Variants in EXTL1 observed in about 807,000 individuals in gnomAD.
EXTL1 encodes the protein exostosin like glycosyltransferase 1.
EXTL1 carries 43 observed loss-of-function variants against 64.6 expected under a neutral mutation model. The observed-to-expected ratio is 0.67, with a 90% confidence interval of 0.52 to 0.86. The LOEUF (loss-of-function observed/expected upper bound fraction) is 0.86. Among genes scored for constraint, EXTL1 ranks in the 40% least tolerant of loss-of-function variants. EXTL1 has a pLI of 0.00. For missense variants in EXTL1, 766 were observed against 879.0 expected (o/e 0.87, Z 1.62); for synonymous variants, 352 against 360.5 (o/e 0.98, Z 0.27).
In EXTL1 at chr1:26,029,695, G is replaced by A. The variant is rs755049028; in HGVS notation, c.969G>A (p.Arg323=). ...WTKAAIVADE[R]LPLQVLAALQ... The stretch of plus-strand genomic sequence containing the variant: ...AGGCAGCCATCGTAGCTGATGAGAG[G>A]CTCCCACTTCAGGTAGCTCAGAGCC... Residue 323 remains arginine (R), a synonymous_variant, in exon 3 of 11, where the codon AGG becomes AGA. Transcript: ENST00000374280. 1 of 1,609,592 alleles carries A rather than the reference G, an allele frequency of 6.2e-7. No individual in the cohort carries two copies. The highest frequency in any genetic ancestry group is 8.5e-7 in the Non-Finnish European group (1 of 1,177,342).
In EXTL1 at chr1:26,033,847, T is replaced by C; in HGVS notation, c.1670T>C (p.Phe557Ser). Residue 557 changes from phenylalanine to serine, a missense_variant, in exon 9 of 11, where the codon TTC becomes TCC. Coordinates refer to ENST00000374280, the MANE Select transcript of EXTL1 (RefSeq NM_004455.3). The surrounding 1 kb of genome is among the most constrained non-coding windows in gnomAD (Gnocchi z 5.1). ...TCCATGGTTCTCACCACAGCCGCCT[T>C]CTACCATAGGTACAGACCCCTACCC... ...EFSMVLTTAA[F>S]YHRYYHTLFT... is the part of the protein sequence containing the mutation. 6.2e-7 allele frequency: 1 copy of C among 1,613,732 alleles called. No individual in the cohort carries two copies.
chr1:26,033,625 G>T lies in EXTL1; in HGVS notation c.1519-71G>T. Reference sequence around the variant, plus strand: ...CGGGCCCCTCAGCCAGGCTGCCCCTGCCTCCATTTCCCTGGATGTTCTAGG... The same window carrying T: ...CGGGCCCCTCAGCCAGGCTGCCCCTTCCTCCATTTCCCTGGATGTTCTAGG... On this transcript the variant is annotated intron_variant, in intron 8 of 10. Transcript: ENST00000374280. This position sits in a 1 kb window ranked among gnomAD's most constrained non-coding sequence, Gnocchi z 5.1. 1 of 1,529,560 alleles carries T rather than the reference G, an allele frequency of 6.5e-7. No homozygotes were observed. The highest frequency in any genetic ancestry group is 8.9e-7 in the Non-Finnish European group (1 of 1,118,408). The allele number at this position is 1,529,560 out of a possible 1,614,324, so 94.7% of individuals were successfully genotyped here.
At position 26,023,036 on chromosome 1, in the gene EXTL1, G is replaced by A; in HGVS notation, c.390G>A (p.Gly130=). 1 of 1,614,018 alleles carries A rather than the reference G, an allele frequency of 6.2e-7. No homozygotes were observed. Among genetic ancestry groups the A allele is most frequent in the Non-Finnish European group, 8.5e-7 (1 of 1,179,974 alleles). ...GSRFYTFSPA[G]ACLLLLLSLD... ...GCTTCTACACATTCAGCCCTGCTGGGGCCTGCCTCCTCCTCCTCCTCAGCC... is the reference window on the plus strand; with the variant it reads ...GCTTCTACACATTCAGCCCTGCTGGAGCCTGCCTCCTCCTCCTCCTCAGCC... Residue 130 remains glycine, a synonymous_variant, in exon 1 of 11, where the codon GGG becomes GGA. Transcript: ENST00000374280.
At chr1:26,024,077 G>A (rs2050188564) in intron 1 of EXTL1, among the ~76,000 whole-genome samples, 1 of 152,234 alleles carries the variant, frequency 6.6e-6, no homozygotes, top group Admixed American at 6.5e-5. Context: ...ACGCAGGTCA[G>A]ATCTAAAGAA....
rs2736838 is a variant in EXTL1, at chr1:26,035,128, G to A, written c.1849-37G>A. ...CGGGCGTGGGGAGTTCGGAAGGGCA[G>A]AGAAGCCCGTTAATGCATTGCTTCT... On this transcript the variant is annotated intron_variant, in intron 10 of 10. Transcript: ENST00000374280. The surrounding 1 kb of genome is among the most constrained non-coding windows in gnomAD (Gnocchi z 5.3). The A allele has an allele frequency of 6.3e-7, 1 of 1,589,670 alleles. No individual in the cohort carries two copies. Among genetic ancestry groups the A allele is most frequent in the South Asian group, 1.1e-5 (1 of 89,442 alleles).
chr1:26,031,106 T>C, intron 4 of EXTL1, 26 bp from the exon 5 acceptor site: 1 of 1,613,942 alleles, frequency 6.2e-7, no homozygotes, highest in South Asian at 1.1e-5. Flanking sequence ...GGCCACTCGC[T>C]CTGCTCAGCT....
Position 26,035,284 on chromosome 1 carries a change from G to T in EXTL1, c.1968G>T (p.Pro656=). ...PLLSSRLRLD[P]VLFKDPVSVQ... ...TGTCCTCTCGTCTGCGTCTGGACCC[G>T]GTGCTGTTTAAGGACCCGGTGTCCG... is the stretch of plus-strand genomic sequence containing the variant. Residue 656 remains proline, a synonymous_variant, in exon 11 of 11, where the codon CCG becomes CCT. Transcript: ENST00000374280. This position sits in a 1 kb window ranked among gnomAD's most constrained non-coding sequence, Gnocchi z 5.3. 1 of 1,613,564 alleles carries T rather than the reference G, an allele frequency of 6.2e-7. No individual in the cohort carries two copies. The highest frequency in any genetic ancestry group is 8.5e-7 in the Non-Finnish European group (1 of 1,179,916).
chr1:26,034,985 G>A lies in EXTL1; in HGVS notation c.1829G>A (p.Arg610His), dbSNP rs563705583. 1.9e-6 allele frequency: 3 copies of A among 1,614,184 alleles called. No individual in the cohort carries two copies. Among genetic ancestry groups the A allele is most frequent in the South Asian group, 1.1e-5 (1 of 91,090 alleles). The change falls in exon 10 of 11, where the codon CGC becomes CAC. Residue 610 changes from arginine to histidine, a missense_variant. By Grantham distance (29) the Arg-to-His change is conservative. This residue lies in a region of EXTL1 where 194 missense variants were observed against 214.5 expected (regional missense o/e 0.90). Coordinates refer to ENST00000374280, the MANE Select transcript of EXTL1 (RefSeq NM_004455.3). The surrounding 1 kb of genome is among the most constrained non-coding windows in gnomAD (Gnocchi z 4.6). Reference sequence around the variant, plus strand: ...ATCAAGGTGCCCTATGGCAAGCAGCGCCAGGAGGCTGCTCCACTGGTGAGG... The same window carrying A: ...ATCAAGGTGCCCTATGGCAAGCAGCACCAGGAGGCTGCTCCACTGGTGAGG... ...PPIKVPYGKQ[R>H]QEAAPLAPGG...
Position 26,034,725 on chromosome 1 carries a change from T to G in EXTL1, c.1680-111T>G. On this transcript the variant is annotated intron_variant, in intron 9 of 10. Transcript: ENST00000374280. This position sits in a 1 kb window ranked among gnomAD's most constrained non-coding sequence, Gnocchi z 4.6. ...GGGAGCTCTCTGAGGCAGCCAGGGCTCAGAGGCTTGGGGATGGGGGTCAAA... is the reference window on the plus strand; with the variant it reads ...GGGAGCTCTCTGAGGCAGCCAGGGCGCAGAGGCTTGGGGATGGGGGTCAAA... 1 of 1,114,596 alleles carries G rather than the reference T, an allele frequency of 9.0e-7. No homozygotes were observed. The highest frequency in any genetic ancestry group is 2.4e-5 in the East Asian group (1 of 42,080). The allele number at this position is 1,114,596 out of a possible 1,614,324, so 69.0% of individuals were successfully genotyped here. A position where few individuals can be genotyped will look rare whatever the true frequency, so the allele number is the denominator to read the frequency against.
In EXTL1 at chr1:26,033,711, C is replaced by T. The variant is rs1160181497; in HGVS notation, c.1534C>T (p.Leu512=). 6.2e-7 allele frequency: 1 copy of T among 1,614,062 alleles called. No homozygotes were observed. Among genetic ancestry groups the T allele is most frequent in the South Asian group, 1.1e-5 (1 of 91,072 alleles). The change falls in exon 9 of 11, where the codon CTG becomes TTG. Residue 512 remains leucine, a synonymous_variant. Coordinates refer to ENST00000374280, the MANE Select transcript of EXTL1 (RefSeq NM_004455.3). The surrounding 1 kb of genome is among the most constrained non-coding windows in gnomAD (Gnocchi z 5.1). ...CCCTCCCCAGGTGGACTTTGCCTTT[C>T]TGGTGTGGCAGAGCTTCCCAGAGCG... ...LSTSEVDFAF[L]VWQSFPERMV... is the part of the protein sequence containing the mutation.
chr1:26,026,990 GC>G (rs1188733016), intron 1 of EXTL1, among the ~76,000 whole-genome samples: 119 of 152,288 alleles, frequency 7.8e-4, no homozygotes, highest in African/African-American at 2.8e-3. Flanking sequence ...CTGGCTGCAC[GC>G]TCAACCAGCT....
chr1:26,026,181 G>A (rs1230848565), intron 1 of EXTL1, among the ~76,000 whole-genome samples: 1 of 149,360 alleles, frequency 6.7e-6, no homozygotes, highest in Non-Finnish European at 1.5e-5. Flanking sequence ...CAAGGCTAGA[G>A]TGAGCTGGGA....
At position 26,033,875 on chromosome 1, in the gene EXTL1, C is replaced by G; in HGVS notation, c.1679+19C>G. On this transcript the variant is annotated intron_variant, in intron 9 of 10. Transcript: ENST00000374280. The surrounding 1 kb of genome is among the most constrained non-coding windows in gnomAD (Gnocchi z 5.1). ...ACCATAGGTACAGACCCCTACCCTGCACAGGGATCAGAGTATCAGAGGACC... is the reference window on the plus strand; with the variant it reads ...ACCATAGGTACAGACCCCTACCCTGGACAGGGATCAGAGTATCAGAGGACC... The G allele has an allele frequency of 6.2e-7, 1 of 1,601,484 alleles. No individual in the cohort carries two copies. Among genetic ancestry groups the G allele is most frequent in the South Asian group, 1.1e-5 (1 of 89,794 alleles).
At chr1:26,026,242 CAA>C (rs60657422) in intron 1 of EXTL1, among the ~76,000 whole-genome samples, 11 of 84,422 alleles carry the variant, frequency 1.3e-4, no homozygotes, top group Non-Finnish European at 1.9e-4. Flanking sequence ...GACTCTGTTT[CAA>C]AAAAAAAAAA....
In EXTL1 at chr1:26,022,595, G is replaced by A; in HGVS notation, c.-52G>A. 6.7e-7 allele frequency: 1 copy of A among 1,490,142 alleles called. No homozygotes were observed. The highest frequency in any genetic ancestry group is 9.1e-7 in the Non-Finnish European group (1 of 1,103,380). The allele number at this position is 1,490,142 out of a possible 1,614,324, so 92.3% of individuals were successfully genotyped here. On this transcript the variant is annotated 5_prime_UTR_variant, in exon 1 of 11. Transcript: ENST00000374280. Reference sequence around the variant, plus strand: ...TCCCGCCCCAGGCCCTGCTCTTCCTGCTTGCTGGCAGAGGCCTCCCAGCTT... The same window carrying A: ...TCCCGCCCCAGGCCCTGCTCTTCCTACTTGCTGGCAGAGGCCTCCCAGCTT...
chr1:26,032,769 C>T (rs997018359), intron 7 of EXTL1, among the ~76,000 whole-genome samples: 10 of 152,230 alleles, frequency 6.6e-5, no homozygotes, highest in African/African-American at 1.9e-4. Context: ...TGAGAAAATA[C>T]GGACCAAGGG....
chr1:26,027,874 C>T (rs2050236227), intron 1 of EXTL1, among the ~76,000 whole-genome samples: 1 of 152,060 alleles, frequency 6.6e-6, no homozygotes, highest in Admixed American at 6.5e-5. Flanking sequence ...GGAGGACTTC[C>T]TCAGGCTGAC....
Position 26,035,561 on chromosome 1 carries a change from C to T in EXTL1, c.*214C>T, listed in dbSNP as rs979947078. The T allele has an allele frequency of 7.4e-5, 34 of 458,030 alleles. 1 individual carries two copies. In the South Asian group the frequency reaches 1.7e-3, roughly 23 times the overall value. The allele number at this position is 458,030 out of a possible 1,614,324, so 28.4% of individuals were successfully genotyped here. ...CCGCGGAGCCTCTGCGGAGGCTGAG[C>T]CCCGCGACCGGAGCGCCGCTCTCCG... On this transcript the variant is annotated 3_prime_UTR_variant, in exon 11 of 11. Transcript: ENST00000374280. The surrounding 1 kb of genome is among the most constrained non-coding windows in gnomAD (Gnocchi z 5.3).
At position 26,023,397 on chromosome 1, in the gene EXTL1, C is replaced by A. The variant is rs116675357; in HGVS notation, c.751C>A (p.Arg251Ser). Residue 251 changes from arginine to serine, a missense_variant, in exon 1 of 11, where the codon CGC (arginine) becomes AGC (serine). Arg to Ser is a moderately radical substitution (Grantham distance 110). Around this residue, in one of 3 missense-constraint regions of EXTL1, gnomAD observed 571 missense variants for 647.6 expected, o/e 0.88. Coordinates refer to ENST00000374280, the MANE Select transcript of EXTL1 (RefSeq NM_004455.3). ...TGSSACPWDG[R>S]CEQDPGPGQT... ...CTCCTCTGCCTGCCCCTGGGATGGGCGCTGTGAGCAAGACCCTGGACCTGG... is the reference window on the plus strand; with the variant it reads ...CTCCTCTGCCTGCCCCTGGGATGGGAGCTGTGAGCAAGACCCTGGACCTGG... 2.1e-5 allele frequency: 30 copies of A among 1,452,804 alleles called. No homozygotes were observed. Among genetic ancestry groups the A allele is most frequent in the Admixed American group, 1.4e-4 (5 of 35,418 alleles). 90.0% of individuals were successfully genotyped at this position (1,452,804 alleles called of 1,614,324 possible).
Sources: allele counts gnomAD v4.1 joint callset (sites outside exome capture counted in the v4.1 genomes callset), GRCh38; gene constraint gnomAD v4.1.1; regional missense constraint gnomAD v4.1.1; non-coding constraint Gnocchi (gnomAD v3.1); transcripts MANE v1.5; gene names NCBI Gene and HGNC (gene_info 2026-07-23, HGNC 2026-07-21).